The following BZW2 variants were observed in gnomAD, a reference collection of about 807,000 sequenced individuals.
BZW2 encodes the protein basic leucine zipper and W2 domains 2.
A neutral mutation model predicts 53.2 loss-of-function variants in BZW2; 23 were observed. The ratio of observed to expected loss-of-function variants is 0.43; its 90% confidence interval spans 0.31 to 0.61. BZW2 has a LOEUF of 0.61. BZW2 is among the 20% of genes least tolerant of loss of function. The pLI, the probability that BZW2 is intolerant of heterozygous loss-of-function variation, is 0.09. For missense variants in BZW2, 409 were observed against 503.1 expected, an observed-to-expected ratio of 0.81 and a Z score of 1.79; for synonymous variants, 227 against 186.4, an observed-to-expected ratio of 1.22 and a Z score of -1.77.
intron 7 of BZW2, among the ~76,000 whole-genome samples, chr7:16,690,843 C>G (rs1783280167): frequency 6.6e-6 from 1 of 152,170 alleles, no homozygotes; most frequent in Non-Finnish European, 1.5e-5. Context: ...GATGCAGCAG[C>G]TGTGAAATGC....
intron 11 of BZW2, among the ~76,000 whole-genome samples, chr7:16,705,854 T>G (rs1347894682): frequency 1.3e-5 from 2 of 151,816 alleles, no homozygotes; most frequent in African/African-American, 4.8e-5. Context: ...GCATGTTGCA[T>G]TTTTAGACAG....
chr7:16,682,132 A>G (rs558336803), intron 4 of BZW2, among the ~76,000 whole-genome samples: 71 of 152,360 alleles, frequency 4.7e-4, no homozygotes, highest in African/African-American at 1.5e-3. Context: ...AGTTGTAAGT[A>G]GGAATATAGC....
chr7:16,683,190 C>T (rs544427237), intron 5 of BZW2, among the ~76,000 whole-genome samples: 45 of 152,068 alleles, frequency 3.0e-4, no homozygotes, highest in African/African-American at 1.0e-3. Flanking sequence ...AGCAAGACTC[C>T]ATCTCAAAAA....
At chr7:16,687,770 C>G (rs1783172288) in intron 6 of BZW2, among the ~76,000 whole-genome samples, 1 of 152,044 alleles carries the variant, frequency 6.6e-6, no homozygotes, top group African/African-American at 2.4e-5. Flanking sequence ...TCATTTTCCC[C>G]AGCTCATCCA....
At chr7:16,648,418 G>A (rs1054142825) in intron 1 of BZW2, among the ~76,000 whole-genome samples, 2 of 152,242 alleles carry the variant, frequency 1.3e-5, no homozygotes, top group African/African-American at 2.4e-5. Flanking sequence ...ATATTAGGAA[G>A]TGTCAAGTCA....
At chr7:16,659,898 C>T (rs546594781) in intron 1 of BZW2, among the ~76,000 whole-genome samples, 26 of 151,352 alleles carry the variant, frequency 1.7e-4, no homozygotes, top group Non-Finnish European at 5.9e-5. Flanking sequence ...ATGTGCACAA[C>T]GTGCAGGTTT....
intron 1 of BZW2, among the ~76,000 whole-genome samples, 159 bp from the exon 2 acceptor site, chr7:16,665,277 AC>A (rs1309104610): frequency 6.6e-6 from 1 of 151,920 alleles, no homozygotes; most frequent in Admixed American, 6.6e-5. Flanking sequence ...CTGCACTCCC[AC>A]CTGGGCGACA....
chr7:16,647,557 T>G (rs1334366877), intron 1 of BZW2, among the ~76,000 whole-genome samples: 1 of 152,220 alleles, frequency 6.6e-6, no homozygotes. Context: ...GGGACAGATC[T>G]GAGCCAGAAC....
intron 11 of BZW2, 136 bp downstream of exon 11, chr7:16,704,805 G>T: frequency 1.1e-6 from 1 of 925,568 alleles, no homozygotes; most frequent in Non-Finnish European, 1.5e-6. Flanking sequence ...CAAACATTTT[G>T]CCAACATCTT....
chr7:16,669,407 C>T (rs1032616582), intron 2 of BZW2, among the ~76,000 whole-genome samples: 2 of 152,190 alleles, frequency 1.3e-5, no homozygotes, highest in Non-Finnish European at 2.9e-5. Flanking sequence ...GGATTACAGG[C>T]GTGAGCCACC....
intron 1 of BZW2, chr7:16,661,190 C>G (rs1367278011): frequency 6.6e-6 from 1 of 152,114 alleles, no homozygotes; most frequent in African/African-American, 2.4e-5. Context: ...AAAATAGAAT[C>G]TAAGACCAAA....
At chr7:16,676,430 C>T (rs953217825) in intron 3 of BZW2, among the ~76,000 whole-genome samples, 1 of 152,076 alleles carries the variant, frequency 6.6e-6, no homozygotes, top group African/African-American at 2.4e-5. Flanking sequence ...TGCCTGTAAT[C>T]CCAGCTACTC....
intron 3 of BZW2, among the ~76,000 whole-genome samples, chr7:16,677,180 T>C (rs1315868488): frequency 6.6e-6 from 1 of 152,068 alleles, no homozygotes. Flanking sequence ...CCAGTCATTA[T>C]CCTTCCCACT....
At chr7:16,678,814 G>A (rs925894390) in intron 3 of BZW2, among the ~76,000 whole-genome samples, 1 of 151,880 alleles carries the variant, frequency 6.6e-6, no homozygotes. Context: ...TTTACAGCTG[G>A]GTCTCGGGGG....
At position 16,690,008 on chromosome 7, in the gene BZW2, G is replaced by A. The variant is rs1783252318; in HGVS notation, c.651+102G>A. ...TGAGTAAGATCCCTGGATCTGTGTTGACTTGGAGCACTGTTCCTTTTATTT... is the reference window on the plus strand; with the variant it reads ...TGAGTAAGATCCCTGGATCTGTGTTAACTTGGAGCACTGTTCCTTTTATTT... On this transcript the variant is annotated intron_variant, in intron 7 of 11. Coordinates refer to ENST00000258761, the MANE Select transcript of BZW2 (RefSeq NM_014038.3). 5 of 713,592 alleles carry A rather than the reference G, an allele frequency of 7.0e-6. No individual in the cohort carries two copies. The Middle Eastern group carries it at 1.1e-3, about 153-fold the overall frequency. 44.2% of individuals were successfully genotyped at this position (713,592 alleles called of 1,614,324 possible).
At chr7:16,703,105 A>C (rs982323774) in intron 10 of BZW2, among the ~76,000 whole-genome samples, 1 of 152,142 alleles carries the variant, frequency 6.6e-6, no homozygotes, top group Admixed American at 6.5e-5. Context: ...GCTCTATGAC[A>C]ATTAGGCTCT....
intron 10 of BZW2, among the ~76,000 whole-genome samples, chr7:16,699,585 A>G (rs1001281209): frequency 6.6e-6 from 1 of 152,178 alleles, no homozygotes; most frequent in African/African-American, 2.4e-5. Flanking sequence ...TGTCATATAA[A>G]AGATAACCCA....
chr7:16,704,505 C>T (rs374633346), intron 10 of BZW2, 42 bp from the exon 11 acceptor site: 9 of 1,480,314 alleles, frequency 6.1e-6, no homozygotes, highest in Non-Finnish European at 8.2e-6. Context: ...TGAAACATGA[C>T]ATTTGTATAG....
chr7:16,661,907 C>T (rs1782274846), intron 1 of BZW2, among the ~76,000 whole-genome samples: 2 of 152,076 alleles, frequency 1.3e-5, no homozygotes, highest in South Asian at 4.1e-4. Context: ...TACTGTTAAA[C>T]TTTTATTTTT....
Sources: gnomAD v4.1 joint callset for allele counts (sites outside exome capture counted in the v4.1 genomes callset) on GRCh38, gnomAD v4.1.1 for gene constraint, MANE v1.5 for transcripts, NCBI Gene and HGNC (gene_info 2026-07-23, HGNC 2026-07-21) for gene names.